TMPRSS9: variants seen among roughly 807,000 people sequenced by gnomAD.
The protein encoded by TMPRSS9 is transmembrane protease serine 9.
In TMPRSS9, 113 loss-of-function variants were observed where a neutral mutation model predicts 111.4. The observed-to-expected ratio is 1.01, with a 90% CI of 0.87 to 1.19. The LOEUF is 1.19. TMPRSS9 is among the 50% of genes most tolerant of loss of function. The probability of loss-of-function intolerance (pLI) is 0.00; values close to 1 mark genes in which losing one functional copy is unlikely to be tolerated. For synonymous variants in TMPRSS9, 805 were observed against 659.1 expected, an observed-to-expected ratio of 1.22 and a Z score of -3.39; for missense variants, 1,803 against 1,513.1, an observed-to-expected ratio of 1.19 and a Z score of -3.18.
rs1159828859 is a variant in TMPRSS9, at chr19:2,399,194, G to A, written c.514+1G>A. On this transcript the variant is annotated splice_donor_variant, in intron 4 of 17. Coordinates refer to ENST00000648592, the Ensembl canonical transcript of TMPRSS9. LOFTEE classifies it high-confidence loss of function. ...ACAATTGTGTCGGCTGAGCTCACAG[G>A]TGAGTGGGCAGCCGAGACCGAAACC... The A allele has an allele frequency of 6.3e-7, 1 of 1,591,140 alleles. No homozygotes were observed. The highest frequency in any genetic ancestry group is 1.1e-5 in the South Asian group (1 of 87,688).
At chr19:2,401,141 G>C (rs905633077) in intron 4 of TMPRSS9, among the ~76,000 whole-genome samples, 1 of 152,084 alleles carries the variant, frequency 6.6e-6, no homozygotes, top group African/African-American at 2.4e-5. Flanking sequence ...GGGCGTGGTG[G>C]CGGGCGCCTG....
At chr19:2,390,571 C>T (rs1053289513) in intron 1 of TMPRSS9, among the ~76,000 whole-genome samples, 4 of 148,608 alleles carry the variant, frequency 2.7e-5, no homozygotes, top group Non-Finnish European at 5.9e-5. Flanking sequence ...AACCGAGCAA[C>T]TGGGTTGGGC....
At chr19:2,372,482 A>G (rs1383650736) in intron 1 of TMPRSS9, among the ~76,000 whole-genome samples, 1 of 151,786 alleles carries the variant, frequency 6.6e-6, no homozygotes, top group African/African-American at 2.4e-5. Flanking sequence ...CCCTCCTTCT[A>G]CCTGTGTATT....
At chr19:2,398,205 AG>A (rs1322705390) in intron 2 of TMPRSS9, among the ~76,000 whole-genome samples, 1 of 151,666 alleles carries the variant, frequency 6.6e-6, no homozygotes, top group Non-Finnish European at 1.5e-5. Context: ...CTGAGGCAGG[AG>A]AATTGCTTGA....
intron 6 of TMPRSS9, 130 bp downstream of exon 7, chr19:2,403,325 A>G: frequency 1.3e-6 from 1 of 741,080 alleles, no homozygotes; most frequent in Non-Finnish European, 2.2e-6. Context: ...GGCTGGGCAG[A>G]GAAAAGAAAG....
intron 1 of TMPRSS9, chr19:2,396,258 G>A (rs1281808255): frequency 3.0e-6 from 1 of 337,382 alleles, no homozygotes; most frequent in South Asian, 9.5e-5. Flanking sequence ...GGGGGCATCT[G>A]GGGCTCACTT....
intron 2 of TMPRSS9, among the ~76,000 whole-genome samples, chr19:2,397,621 A>T (rs1019876964): frequency 3.3e-5 from 5 of 152,152 alleles, no homozygotes; most frequent in Non-Finnish European, 7.4e-5. Flanking sequence ...TCACGTATTA[A>T]AAACAGCACT....
rs1599285694 is a variant in TMPRSS9, at chr19:2,390,240, TTTG to T, written c.142+316_142+318del. Among the ~76,000 whole-genome samples, 32 of 131,222 alleles carry T rather than the reference TTTG, an allele frequency of 2.4e-4. 9 individuals carry two copies. Among genetic ancestry groups the T allele is most frequent in the East Asian group, 6.1e-4 (3 of 4,940 alleles). The allele number at this position is 131,222 out of a possible 152,430, so 86.1% of individuals were successfully genotyped here. ...CAAAATACCCAAAGTAGTTTTTTTT[TTTG>T]TTTTTTTTTTTTTTTGAGACGGAGT... On this transcript the variant is annotated intron_variant, in intron 1 of 17. Coordinates refer to ENST00000648592, the Ensembl canonical transcript of TMPRSS9.
chr19:2,418,364 TTCCC>T (rs1971328661), intron 13 of TMPRSS9, among the ~76,000 whole-genome samples: 1 of 48,308 alleles, frequency 2.1e-5, no homozygotes, highest in Non-Finnish European at 3.6e-5. Flanking sequence ...CCTCCCTCCC[TTCCC>T]TTCCCTCCCT....
intron 1 of TMPRSS9, among the ~76,000 whole-genome samples, chr19:2,381,559 G>A (rs1310790897): frequency 2.0e-5 from 3 of 151,722 alleles, no homozygotes; most frequent in South Asian, 2.1e-4. Flanking sequence ...TTCACTCCCC[G>A]CTGCCCCTGC....
intron 4 of TMPRSS9, among the ~76,000 whole-genome samples, chr19:2,401,335 C>T (rs1181012817): frequency 1.3e-5 from 2 of 152,122 alleles, no homozygotes; most frequent in South Asian, 2.1e-4. Context: ...CCCCACCAAC[C>T]GTCACATGCT....
chr19:2,364,050 C>T (rs559493667), intron 1 of TMPRSS9, among the ~76,000 whole-genome samples: 3 of 152,044 alleles, frequency 2.0e-5, no homozygotes, highest in Non-Finnish European at 4.4e-5. Flanking sequence ...TCCTGTAGAC[C>T]CAGCACCTGT....
chr19:2,425,338 C>G lies in TMPRSS9; in HGVS notation c.2984-19C>G. Reference sequence around the variant, plus strand: ...CGGACGCGGTCCCCACCCGCCCCGTCTCGCTCGCCCGCCCGCAGGCTCCAT... The same window carrying G: ...CGGACGCGGTCCCCACCCGCCCCGTGTCGCTCGCCCGCCCGCAGGCTCCAT... On this transcript the variant is annotated intron_variant, in intron 16 of 17. Coordinates refer to ENST00000648592, the Ensembl canonical transcript of TMPRSS9. 6.9e-7 allele frequency: 1 copy of G among 1,448,290 alleles called. No homozygotes were observed. The allele number at this position is 1,448,290 out of a possible 1,614,324, so 89.7% of individuals were successfully genotyped here.
exon 2 of TMPRSS9, chr19:2,396,627 G>C (rs374070403): frequency 1.9e-6 from 3 of 1,603,814 alleles, no homozygotes; most frequent in Non-Finnish European, 2.6e-6. Flanking sequence ...GGGAGACCTC[G>C]GACTATCACC....
chr19:2,383,362 AAGG>A (rs1281636682), intron 1 of TMPRSS9, among the ~76,000 whole-genome samples: 4 of 151,610 alleles, frequency 2.6e-5, no homozygotes, highest in African/African-American at 9.7e-5. Flanking sequence ...AAAAAAAAAA[AAGG>A]AGAAGTTAAT....
chr19:2,384,553 C>T (rs780987716), intron 1 of TMPRSS9, among the ~76,000 whole-genome samples: 3 of 152,094 alleles, frequency 2.0e-5, no homozygotes, highest in East Asian at 1.9e-4. Flanking sequence ...CGGTGGCTCA[C>T]GCCTGTAATC....
intron 14 of TMPRSS9, 63 bp from the exon 16 acceptor site, chr19:2,424,026 A>G (rs1042860906): frequency 2.4e-6 from 3 of 1,243,932 alleles, no homozygotes; most frequent in African/African-American, 1.6e-5. Context: ...GGCGGCGCCC[A>G]GGGGGGCCTT....
chr19:2,363,807 TGC>T (rs1269194641), intron 1 of TMPRSS9, among the ~76,000 whole-genome samples: 1 of 105,978 alleles, frequency 9.4e-6, no homozygotes, highest in Non-Finnish European at 1.7e-5. Context: ...TGTGTGTGCG[TGC>T]GCGCGTGTGT....
intron 1 of TMPRSS9, among the ~76,000 whole-genome samples, chr19:2,363,795 T>TGTGTGCGCGCGCGC (rs1205327692): frequency 1.5e-5 from 2 of 130,774 alleles, no homozygotes; most frequent in African/African-American, 5.9e-5. Context: ...TGTGAGTGTG[T>TGTGTGCGCGCGCGC]GTGTGTGTGC....
Sources: allele counts gnomAD v4.1 joint callset (sites outside exome capture counted in the v4.1 genomes callset), GRCh38; gene constraint gnomAD v4.1.1; transcripts MANE v1.5; gene names NCBI Gene and HGNC (gene_info 2026-07-23, HGNC 2026-07-21).